CAMKMT: variants seen among roughly 807,000 people sequenced by gnomAD.
The protein encoded by CAMKMT is calmodulin-lysine N-methyltransferase.
CAMKMT carries 53 observed loss-of-function variants against 48.0 expected under a neutral mutation model. The ratio of observed to expected loss-of-function variants is 1.10; its 90% CI spans 0.89 to 1.39. The LOEUF is 1.39. CAMKMT is among the 40% of genes most tolerant of loss of function. The pLI, the probability that CAMKMT is intolerant of heterozygous loss-of-function variation, is 0.00. For synonymous variants in CAMKMT, 165 were observed against 152.3 expected (o/e 1.08, Z -0.61); for missense variants, 428 against 402.7 (o/e 1.06, Z -0.54).
intron 3 of CAMKMT, among the ~76,000 whole-genome samples, chr2:44,575,111 C>T (rs1669142778): frequency 6.6e-6 from 1 of 151,862 alleles, no homozygotes; most frequent in African/African-American, 2.4e-5. Flanking sequence ...CAGAGTCTCA[C>T]TCTGTCACCC....
chr2:44,669,509 A>G (rs111565609), intron 3 of CAMKMT, among the ~76,000 whole-genome samples: 48 of 152,356 alleles, frequency 3.2e-4, no homozygotes, highest in African/African-American at 1.1e-3. Flanking sequence ...TGTTGTATCA[A>G]TTTATACTAA....
At chr2:44,383,321 C>T (rs1263604256) in intron 2 of CAMKMT, among the ~76,000 whole-genome samples, 1 of 152,062 alleles carries the variant, frequency 6.6e-6, no homozygotes, top group Non-Finnish European at 1.5e-5. Context: ...CATGCCACCA[C>T]ACCCGGCTAA....
chr2:44,637,154 T>C (rs1476623527), intron 3 of CAMKMT, among the ~76,000 whole-genome samples: 1 of 152,250 alleles, frequency 6.6e-6, no homozygotes. Context: ...TTAATGACAG[T>C]CATTTAGCTT....
intron 3 of CAMKMT, among the ~76,000 whole-genome samples, chr2:44,563,193 T>C (rs1365624743): frequency 1.4e-5 from 2 of 147,726 alleles, no homozygotes; most frequent in Non-Finnish European, 3.0e-5. Context: ...TAGAGGTATC[T>C]ACTCTTATCT....
At chr2:44,541,875 A>G (rs1667127472) in intron 3 of CAMKMT, among the ~76,000 whole-genome samples, 1 of 152,124 alleles carries the variant, frequency 6.6e-6, no homozygotes, top group Non-Finnish European at 1.5e-5. Flanking sequence ...CACGCCTATA[A>G]TCTCAGCATT....
chr2:44,526,460 G>C (rs530177598), intron 3 of CAMKMT, among the ~76,000 whole-genome samples: 26 of 152,310 alleles, frequency 1.7e-4, no homozygotes, highest in African/African-American at 6.3e-4. Flanking sequence ...TTGTCTGCAA[G>C]CTGGAGGCCC....
At chr2:44,503,105 T>G (rs551337332) in intron 3 of CAMKMT, among the ~76,000 whole-genome samples, 1 of 152,276 alleles carries the variant, frequency 6.6e-6, no homozygotes, top group Non-Finnish European at 1.5e-5. Flanking sequence ...TAAAGTCTAT[T>G]CAAAAAAAGC....
intron 3 of CAMKMT, among the ~76,000 whole-genome samples, chr2:44,441,477 G>A (rs1481672130): frequency 1.3e-5 from 2 of 152,072 alleles, no homozygotes; most frequent in East Asian, 1.9e-4. Flanking sequence ...ATGGCACACG[G>A]CATAGTACCA....
intron 3 of CAMKMT, among the ~76,000 whole-genome samples, chr2:44,462,216 GA>G (rs1194435599): frequency 5.9e-5 from 9 of 151,996 alleles, no homozygotes; most frequent in African/African-American, 2.2e-4. Context: ...AAATAATAAA[GA>G]AAAGGGTAAT....
intron 3 of CAMKMT, among the ~76,000 whole-genome samples, chr2:44,622,759 C>T (rs1672269430): frequency 6.6e-6 from 1 of 152,136 alleles, no homozygotes. Context: ...GGTTTGATTC[C>T]ATGTCTTTGC....
intron 3 of CAMKMT, among the ~76,000 whole-genome samples, chr2:44,495,460 T>C (rs533375923): frequency 6.6e-6 from 1 of 152,312 alleles, no homozygotes; most frequent in African/African-American, 2.4e-5. Context: ...TGATATTTAT[T>C]TTGAGGACTG....
At chr2:44,579,631 C>T (rs61323334) in intron 3 of CAMKMT, among the ~76,000 whole-genome samples, 3,240 of 152,306 alleles carry the variant, frequency 0.021, 94 homozygotes, top group African/African-American at 0.066. Flanking sequence ...CCTTTCTCTC[C>T]TGAGCTATTG....
intron 3 of CAMKMT, among the ~76,000 whole-genome samples, chr2:44,691,787 G>C (rs547550769): frequency 2.0e-5 from 3 of 152,210 alleles, no homozygotes; most frequent in African/African-American, 7.2e-5. Flanking sequence ...AAACCTCCCT[G>C]TGCCTTGATT....
intron 2 of CAMKMT, among the ~76,000 whole-genome samples, chr2:44,387,554 C>G (rs1273502200): frequency 6.6e-6 from 1 of 152,020 alleles, no homozygotes; most frequent in African/African-American, 2.4e-5. Flanking sequence ...ATTAATTGTA[C>G]TCTTTGTTGC....
At chr2:44,573,445 G>T (rs1408953510) in intron 3 of CAMKMT, among the ~76,000 whole-genome samples, 2 of 151,736 alleles carry the variant, frequency 1.3e-5, no homozygotes, top group Admixed American at 1.3e-4. Context: ...ACTTTAATCA[G>T]TGCTCATTAT....
At chr2:44,416,960 G>T (rs975744403) in intron 3 of CAMKMT, among the ~76,000 whole-genome samples, 1 of 151,868 alleles carries the variant, frequency 6.6e-6, no homozygotes, top group African/African-American at 2.4e-5. Context: ...TAGAGACAGG[G>T]TCTCCCTCTG....
intron 6 of CAMKMT, among the ~76,000 whole-genome samples, chr2:44,711,924 A>C (rs1430562890): frequency 6.6e-6 from 1 of 152,152 alleles, no homozygotes; most frequent in Non-Finnish European, 1.5e-5. Flanking sequence ...TTGACTTCAA[A>C]GCTTATGTTT....
At chr2:44,374,806 TG>T (rs1383907866) in intron 2 of CAMKMT, among the ~76,000 whole-genome samples, 4 of 152,068 alleles carry the variant, frequency 2.6e-5, no homozygotes, top group African/African-American at 4.8e-5. Flanking sequence ...TGAGCTAAAG[TG>T]TTGGCTTCAT....
At chr2:44,447,216 T>C (rs1045294976) in intron 3 of CAMKMT, among the ~76,000 whole-genome samples, 1 of 152,256 alleles carries the variant, frequency 6.6e-6, no homozygotes, top group African/African-American at 2.4e-5. Context: ...GACATTTGGC[T>C]AGTAAATAGA....
Sources: allele counts gnomAD v4.1 joint callset (sites outside exome capture counted in the v4.1 genomes callset), GRCh38; gene constraint gnomAD v4.1.1; transcripts MANE v1.5; gene names NCBI Gene and HGNC (gene_info 2026-07-23, HGNC 2026-07-21).